Variants in RNF38 observed in about 807,000 individuals in gnomAD.
RNF38 encodes the protein E3 ubiquitin-protein ligase RNF38.
A neutral mutation model predicts 67.2 loss-of-function variants in RNF38; 15 were observed. The observed-to-expected ratio is 0.22, with a 90% CI of 0.15 to 0.34. The LOEUF (loss-of-function observed/expected upper bound fraction) is 0.34, where lower values mean the gene tolerates loss of function less well. Among genes scored for constraint, RNF38 ranks in the 10% least tolerant of loss-of-function variants. The probability of loss-of-function intolerance (pLI) is 1.00; values close to 1 mark genes in which losing one functional copy is unlikely to be tolerated. For missense variants in RNF38, 524 were observed against 639.9 expected (o/e 0.82, Z 1.95); for synonymous variants, 220 against 218.8 (o/e 1.01, Z -0.05).
intron 1 of RNF38, among the ~76,000 whole-genome samples, chr9:36,440,773 C>A (rs1000695757): frequency 2.0e-5 from 3 of 152,148 alleles, no homozygotes; most frequent in Non-Finnish European, 4.4e-5. Context: ...ATATTAAGCA[C>A]TATTTGCTTA....
At chr9:36,356,495 T>A (rs200015884) in intron 5 of RNF38, 22 bp from the exon 6 acceptor site, 8 of 1,525,874 alleles carry the variant, frequency 5.2e-6, no homozygotes, top group Non-Finnish European at 7.0e-6. Context: ...ACCATTACAG[T>A]TTGGTTAAAA....
At chr9:36,452,432 A>C (rs1243560327) in intron 1 of RNF38, among the ~76,000 whole-genome samples, 2 of 152,046 alleles carry the variant, frequency 1.3e-5, no homozygotes, top group Non-Finnish European at 2.9e-5. Flanking sequence ...AGACATTTTT[A>C]CATAAATAGA....
intron 2 of RNF38, among the ~76,000 whole-genome samples, chr9:36,377,327 T>C (rs1362269890): frequency 2.0e-5 from 3 of 152,180 alleles, no homozygotes; most frequent in African/African-American, 4.8e-5. Context: ...ATAAAAATCA[T>C]CTTATACCAC....
intron 1 of RNF38, among the ~76,000 whole-genome samples, chr9:36,474,206 G>A (rs10481587): frequency 0.17 from 24,723 of 149,698 alleles, 2,250 homozygotes; most frequent in Admixed American, 0.22. Context: ...CCAGCTACTC[G>A]GGAGGCTAAG....
intron 2 of RNF38, among the ~76,000 whole-genome samples, chr9:36,412,844 G>A (rs748306798): frequency 2.0e-5 from 3 of 151,924 alleles, no homozygotes; most frequent in Non-Finnish European, 4.4e-5. Flanking sequence ...AGGCCAAGGC[G>A]GGTGGATCAC....
At chr9:36,388,324 A>G (rs1836798718) in intron 2 of RNF38, among the ~76,000 whole-genome samples, 1 of 152,168 alleles carries the variant, frequency 6.6e-6, no homozygotes, top group Non-Finnish European at 1.5e-5. Flanking sequence ...TTATTTCACA[A>G]AGCATGTAAA....
At chr9:36,426,288 T>C (rs1217538956) in intron 1 of RNF38, among the ~76,000 whole-genome samples, 1 of 152,162 alleles carries the variant, frequency 6.6e-6, no homozygotes, top group Admixed American at 6.5e-5. Flanking sequence ...TCATCACAAT[T>C]TTAGGACATT....
intron 1 of RNF38, among the ~76,000 whole-genome samples, chr9:36,439,774 C>T (rs1044049527): frequency 7.9e-6 from 1 of 126,896 alleles, no homozygotes; most frequent in Non-Finnish European, 1.6e-5. Flanking sequence ...CTGGGCAGCA[C>T]AGTGAGACTC....
chr9:36,351,881 T>C (rs1056803160), intron 8 of RNF38, among the ~76,000 whole-genome samples: 3 of 152,232 alleles, frequency 2.0e-5, no homozygotes, highest in Non-Finnish European at 2.9e-5. Context: ...GAATGTCATA[T>C]GACTAGAGCC....
chr9:36,442,875 G>GA (rs1310364036), intron 1 of RNF38, among the ~76,000 whole-genome samples: 1 of 152,218 alleles, frequency 6.6e-6, no homozygotes, highest in Non-Finnish European at 1.5e-5. Flanking sequence ...TCTGTTTCTG[G>GA]AAAATTTGCA....
intron 9 of RNF38, among the ~76,000 whole-genome samples, chr9:36,349,298 A>C (rs940574667): frequency 2.0e-5 from 3 of 152,172 alleles, no homozygotes; most frequent in Admixed American, 6.5e-5. Flanking sequence ...GCCAATACTT[A>C]CTGACTTTTT....
At position 36,474,312 on chromosome 9, in the gene RNF38, CA is replaced by C. The variant is rs1017154912; in HGVS notation, n.241+12995del. Reference sequence around the variant, plus strand: ...TGGGCGACAGAGCAAGACTCCGTCTCAAAAAAAAGAAACCCTAGCATAGTAA... The same window carrying C: ...TGGGCGACAGAGCAAGACTCCGTCTCAAAAAAAGAAACCCTAGCATAGTAA... On this transcript the variant is annotated intron_variant and non_coding_transcript_variant, in intron 1 of 3. Transcript: ENST00000488058. Among the ~76,000 whole-genome samples the C allele has an allele frequency of 3.5e-5, 5 of 144,516 alleles. 1 individual carries two copies. Among genetic ancestry groups the C allele is most frequent in the African/African-American group, 1.3e-4 (5 of 37,078 alleles). The allele number at this position is 144,516 out of a possible 152,430, so 94.8% of individuals were successfully genotyped here.
intron 4 of RNF38, among the ~76,000 whole-genome samples, chr9:36,364,818 C>T (rs2133700800): frequency 6.6e-6 from 1 of 152,332 alleles, no homozygotes; most frequent in South Asian, 2.1e-4. Context: ...GTCTAGTGTA[C>T]AGTCTGCGAA....
chr9:36,358,776 G>A (rs1247304488), intron 4 of RNF38, among the ~76,000 whole-genome samples: 3 of 152,172 alleles, frequency 2.0e-5, no homozygotes, highest in African/African-American at 4.8e-5. Context: ...TTGGGAGGCC[G>A]AGGTGGGCAG....
At chr9:36,464,809 C>G (rs2134389241) in intron 1 of RNF38, among the ~76,000 whole-genome samples, 1 of 152,178 alleles carries the variant, frequency 6.6e-6, no homozygotes. Flanking sequence ...TTTTAAAAAT[C>G]ATTTCCAAAA....
chr9:36,395,750 T>C (rs558885396), intron 1 of RNF38, among the ~76,000 whole-genome samples: 6 of 152,330 alleles, frequency 3.9e-5, no homozygotes, highest in African/African-American at 1.4e-4. Context: ...TGCATGAATA[T>C]GGTCACCACA....
At chr9:36,388,817 T>C (rs1042870858) in intron 2 of RNF38, among the ~76,000 whole-genome samples, 5 of 152,140 alleles carry the variant, frequency 3.3e-5, no homozygotes, top group Admixed American at 2.6e-4. Context: ...GAGAAGGTAC[T>C]TGAGGAGAAA....
chr9:36,372,542 C>T (rs1485477423), intron 3 of RNF38: 1 of 715,938 alleles, frequency 1.4e-6, no homozygotes, highest in Non-Finnish European at 2.6e-6. Context: ...ACTGCATCTG[C>T]TTGGCACAGC....
intron 6 of RNF38, among the ~76,000 whole-genome samples, chr9:36,354,297 A>G (rs1482175399): frequency 6.6e-6 from 1 of 152,056 alleles, no homozygotes; most frequent in Non-Finnish European, 1.5e-5. Context: ...GGTTCAAGCA[A>G]TTCTCCTGCC....
Sources: allele counts gnomAD v4.1 joint callset (sites outside exome capture counted in the v4.1 genomes callset), GRCh38; gene constraint gnomAD v4.1.1; transcripts MANE v1.5; gene names NCBI Gene and HGNC (gene_info 2026-07-23, HGNC 2026-07-21).